FSTL5: variants seen among roughly 807,000 people sequenced by gnomAD.
FSTL5 encodes follistatin-related protein 5.
In FSTL5, 62 loss-of-function variants were observed where a neutral mutation model predicts 89.1. The ratio of observed to expected loss-of-function variants is 0.70; its 90% CI spans 0.57 to 0.86. The LOEUF (loss-of-function observed/expected upper bound fraction) is 0.86, where lower values mean the gene tolerates loss of function less well. Among genes scored for constraint, FSTL5 ranks in the 40% least tolerant of loss-of-function variants. The pLI, the probability that FSTL5 is intolerant of heterozygous loss-of-function variation, is 0.00. For synonymous variants in FSTL5, 383 were observed against 346.2 expected (o/e 1.11, Z -1.18); for missense variants, 1,057 against 1,001.6 (o/e 1.06, Z -0.75).
In FSTL5 at chr4:161,439,740, C is replaced by T. The variant is rs548367392; in HGVS notation, c.1841+15264G>A. Reference sequence around the variant, plus strand: ...TTAACACACACACACACACCCCACACGCACACGTGTGCCTTTCTGCAAATA... The same window carrying T: ...TTAACACACACACACACACCCCACATGCACACGTGTGCCTTTCTGCAAATA... On this transcript the variant is annotated intron_variant, in intron 15 of 15. Coordinates refer to ENST00000306100, the MANE Select transcript of FSTL5 (RefSeq NM_020116.5). Among the ~76,000 whole-genome samples, 15 of 152,214 alleles carry T rather than the reference C, an allele frequency of 9.9e-5. No homozygotes were observed. The South Asian group carries it at 1.0e-3, about 11-fold the overall frequency.
intron 15 of FSTL5, among the ~76,000 whole-genome samples, chr4:161,429,330 C>T (rs10857336): frequency 0.12 from 17,569 of 152,130 alleles, 1,108 homozygotes; most frequent in South Asian, 0.2. Context: ...TTGGCTTTCC[C>T]ACCTGCTGAT....
At chr4:161,428,391 G>A (rs1732237719) in intron 15 of FSTL5, among the ~76,000 whole-genome samples, 1 of 152,192 alleles carries the variant, frequency 6.6e-6, no homozygotes, top group African/African-American at 2.4e-5. Context: ...TGGCCTAGGC[G>A]ACCTAGGGCG....
chr4:161,431,502 C>A (rs1732368592), intron 15 of FSTL5, among the ~76,000 whole-genome samples: 1 of 149,372 alleles, frequency 6.7e-6, no homozygotes, highest in Non-Finnish European at 1.5e-5. Context: ...AAACATACTA[C>A]CAGAAAAAAT....
chr4:161,634,580 C>T (rs149268121), intron 7 of FSTL5, among the ~76,000 whole-genome samples: 170 of 152,202 alleles, frequency 1.1e-3, no homozygotes, highest in African/African-American at 4.0e-3. Context: ...GGAACACCTG[C>T]TGTTTGTGAC....
chr4:161,974,104 C>A (rs954163940), intron 3 of FSTL5, among the ~76,000 whole-genome samples: 115 of 152,200 alleles, frequency 7.6e-4, no homozygotes, highest in African/African-American at 2.4e-3. Flanking sequence ...CAAGGAAATA[C>A]AAGAGGATAC....
rs1291262380 is a variant in FSTL5 at position 162,015,843 on chromosome 4, G to A, written c.160+17782C>T. On this transcript the variant is annotated intron_variant, in intron 3 of 15. Coordinates refer to ENST00000306100, the MANE Select transcript of FSTL5 (RefSeq NM_020116.5). ...CTTTTCCAAAGTCTCTGGTTTAAAG[G>A]AAAGTTTAATTGAGACAGGAGCTTA... Among the ~76,000 whole-genome samples the A allele has an allele frequency of 3.9e-5, 6 of 152,236 alleles. No homozygotes were observed. The East Asian group carries it at 5.8e-4, about 15-fold the overall frequency.
chr4:161,495,257 A>T (rs13148628), intron 12 of FSTL5: 35,248 of 152,090 alleles, frequency 0.23, 4,814 homozygotes, highest in South Asian at 0.33. Context: ...GCTGAATGTA[A>T]AAGTATCAAA....
intron 4 of FSTL5, among the ~76,000 whole-genome samples, chr4:161,873,893 A>G (rs1275924620): frequency 6.6e-6 from 1 of 152,018 alleles, no homozygotes; most frequent in Non-Finnish European, 1.5e-5. Context: ...TCACTTCAGT[A>G]CAGTGTTTTA....
At chr4:161,489,665 GA>G (rs1300777168) in intron 12 of FSTL5, among the ~76,000 whole-genome samples, 1 of 151,850 alleles carries the variant, frequency 6.6e-6, no homozygotes, top group East Asian at 1.9e-4. Flanking sequence ...GTTAGTGAGG[GA>G]AAAAAATTAA....
At chr4:161,486,165 A>AAAAAAAAT (rs201126683) in intron 12 of FSTL5, among the ~76,000 whole-genome samples, 7 of 147,512 alleles carry the variant, frequency 4.7e-5, no homozygotes, top group Non-Finnish European at 4.5e-5. Context: ...AAAAAAAAAA[A>AAAAAAAAT]GTAAATATCT....
At chr4:161,775,841 A>G in intron 5 of FSTL5, 37 bp downstream of exon 5, 1 of 1,084,534 alleles carries the variant, frequency 9.2e-7, no homozygotes, top group Non-Finnish European at 1.3e-6. Context: ...TGCATGCTAT[A>G]TTTCAGTAAG....
chr4:161,527,748 G>A (rs1000250207), intron 10 of FSTL5, among the ~76,000 whole-genome samples: 1 of 151,524 alleles, frequency 6.6e-6, no homozygotes, highest in African/African-American at 2.4e-5. Context: ...GATTCCTCAG[G>A]GATCTAGAAC....
intron 8 of FSTL5, among the ~76,000 whole-genome samples, chr4:161,579,437 G>C (rs1408657980): frequency 6.6e-6 from 1 of 152,084 alleles, no homozygotes; most frequent in Non-Finnish European, 1.5e-5. Flanking sequence ...AATGAATGAG[G>C]CTGGGCACGG....
At chr4:162,119,957 A>G (rs1347277947) in intron 1 of FSTL5, among the ~76,000 whole-genome samples, 1 of 152,182 alleles carries the variant, frequency 6.6e-6, no homozygotes, top group Non-Finnish European at 1.5e-5. Context: ...CATACACAGT[A>G]CACTTTTTTT....
chr4:161,615,694 TG>T (rs1343613734), intron 7 of FSTL5, among the ~76,000 whole-genome samples: 1 of 152,134 alleles, frequency 6.6e-6, no homozygotes, highest in East Asian at 1.9e-4. Flanking sequence ...CACAAAAACA[TG>T]AATTGTTTGA....
chr4:161,558,060 C>A (rs2126566600), intron 8 of FSTL5, among the ~76,000 whole-genome samples: 1 of 151,970 alleles, frequency 6.6e-6, no homozygotes, highest in Non-Finnish European at 1.5e-5. Context: ...GCAATAAGAG[C>A]TATGAACTGT....
At chr4:161,403,653 G>T (rs1174162676) in intron 15 of FSTL5, among the ~76,000 whole-genome samples, 1 of 152,174 alleles carries the variant, frequency 6.6e-6, no homozygotes, top group African/African-American at 2.4e-5. Context: ...ACCTATATAG[G>T]AGCCAAAGCA....
intron 4 of FSTL5, among the ~76,000 whole-genome samples, chr4:161,820,525 G>A (rs1730457539): frequency 6.6e-6 from 1 of 152,102 alleles, no homozygotes; most frequent in Non-Finnish European, 1.5e-5. Flanking sequence ...CTAGATCAAT[G>A]TGAATGTGTA....
At chr4:161,820,388 G>C (rs359134) in intron 4 of FSTL5, among the ~76,000 whole-genome samples, 1 of 152,036 alleles carries the variant, frequency 6.6e-6, no homozygotes, top group South Asian at 2.1e-4. Flanking sequence ...AATTCCAATA[G>C]AGAGACACTC....
Sources: allele counts gnomAD v4.1 joint callset (sites outside exome capture counted in the v4.1 genomes callset), GRCh38; gene constraint gnomAD v4.1.1; transcripts MANE v1.5; gene names NCBI Gene and HGNC (gene_info 2026-07-23, HGNC 2026-07-21).